Variants in XRRA1 observed in about 807,000 individuals in gnomAD.
XRRA1 encodes X-ray radiation resistance-associated protein 1.
Under a neutral mutation model 80.2 loss-of-function variants are expected in XRRA1, and 69 were observed. That is an observed-to-expected ratio of 0.86 (90% CI 0.71 to 1.05). The LOEUF is 1.05. Among genes scored for constraint, XRRA1 ranks in the 50% least tolerant of loss-of-function variants. The probability of loss-of-function intolerance (pLI) is 0.00; values close to 1 mark genes in which losing one functional copy is unlikely to be tolerated. For synonymous variants in XRRA1, 348 were observed against 389.9 expected, an observed-to-expected ratio of 0.89 and a Z score of 1.27; for missense variants, 967 against 976.4, an observed-to-expected ratio of 0.99 and a Z score of 0.13.
intron 7 of XRRA1, among the ~76,000 whole-genome samples, chr11:74,925,325 T>A (rs576727509): frequency 1.3e-5 from 2 of 152,176 alleles, no homozygotes; most frequent in South Asian, 4.1e-4. Flanking sequence ...TTTTCTAAAT[T>A]GACTCCTGAA....
chr11:74,886,668 C>A (rs1271746714), intron 10 of XRRA1, among the ~76,000 whole-genome samples: 1 of 152,088 alleles, frequency 6.6e-6, no homozygotes, highest in Non-Finnish European at 1.5e-5. Context: ...CAATGCTATT[C>A]CTATCAAACT....
chr11:74,903,108 C>G (rs1416673267), intron 10 of XRRA1, among the ~76,000 whole-genome samples: 1 of 152,108 alleles, frequency 6.6e-6, no homozygotes, highest in African/African-American at 2.4e-5. Context: ...CATAGGAAGA[C>G]AAGAACCCTT....
rs1206218346 is a variant in XRRA1, at chr11:74,880,440, G to GT, written c.1004-17420dup. Reference sequence around the variant, plus strand: ...CCTGGATTCATTAATTTTTTGAAGGGTTTTTTGTGTCTCTATTTCCTTCAG... The same window carrying GT: ...CCTGGATTCATTAATTTTTTGAAGGGTTTTTTTGTGTCTCTATTTCCTTCAG... On this transcript the variant is annotated intron_variant, in intron 10 of 18. Coordinates refer to ENST00000684022, the MANE Select transcript of XRRA1 (RefSeq NM_001378157.1). Among the ~76,000 whole-genome samples, 792 of 150,022 alleles carry GT rather than the reference G, an allele frequency of 5.3e-3. 7 individuals carry two copies. The highest frequency in any genetic ancestry group is 0.018 in the African/African-American group (747 of 40,874).
At chr11:74,930,643 G>C (rs1314248353) in intron 5 of XRRA1, among the ~76,000 whole-genome samples, 1 of 152,130 alleles carries the variant, frequency 6.6e-6, no homozygotes, top group Non-Finnish European at 1.5e-5. Flanking sequence ...TAATACAGCT[G>C]AATATTTTGC....
intron 16 of XRRA1, 64 bp downstream of exon 16, chr11:74,845,009 C>T: frequency 1.3e-6 from 2 of 1,555,104 alleles, no homozygotes; most frequent in Non-Finnish European, 1.8e-6. Flanking sequence ...TTGGCTTGAC[C>T]CTGACTTGCT....
intron 2 of XRRA1, among the ~76,000 whole-genome samples, chr11:74,942,923 T>C (rs1263413173): frequency 6.6e-6 from 1 of 152,138 alleles, no homozygotes; most frequent in Non-Finnish European, 1.5e-5. Flanking sequence ...AGGAGAGAGA[T>C]GGGCAGACCC....
At chr11:74,911,313 A>T (rs1411700176) in intron 8 of XRRA1, 1 of 152,200 alleles carries the variant, frequency 6.6e-6, no homozygotes, top group Non-Finnish European at 1.5e-5. Flanking sequence ...CTGGGCTCAA[A>T]CAATCCTCCT....
At chr11:74,844,976 G>A in intron 16 of XRRA1, 97 bp downstream of exon 16, 3 of 1,297,650 alleles carry the variant, frequency 2.3e-6, no homozygotes, top group Non-Finnish European at 3.3e-6. Context: ...CCCTAGTTGG[G>A]AAAAGACAGC....
chr11:74,929,881 T>C (rs145858164), intron 6 of XRRA1, among the ~76,000 whole-genome samples: 1,553 of 152,150 alleles, frequency 0.01, 30 homozygotes, highest in African/African-American at 0.033. Flanking sequence ...CAGGACTGTA[T>C]GCACTCATTT....
intron 6 of XRRA1, 76 bp from the exon 7 acceptor site, chr11:74,927,564 C>A: frequency 9.7e-7 from 1 of 1,028,400 alleles, no homozygotes; most frequent in Non-Finnish European, 1.5e-6. Flanking sequence ...TTACCATTTA[C>A]TGTGTCCCTA....
intron 6 of XRRA1, among the ~76,000 whole-genome samples, chr11:74,928,382 A>G (rs867164201): frequency 4.6e-5 from 7 of 152,316 alleles, no homozygotes; most frequent in South Asian, 4.2e-4. Flanking sequence ...AGTGATTCCT[A>G]TAATTGGATA....
At chr11:74,852,708 T>G (rs906002896) in intron 12 of XRRA1, among the ~76,000 whole-genome samples, 4 of 152,232 alleles carry the variant, frequency 2.6e-5, no homozygotes, top group African/African-American at 7.2e-5. Flanking sequence ...GGTGGCTTAT[T>G]GGCCAAGCCA....
At position 74,845,179 on chromosome 11, in the gene XRRA1, C is replaced by G; in HGVS notation, c.1821G>C (p.Val607=). ...TTGGGAGTTTCCTCCGAGTCCCTTTCACCTCTCTGGGTGCCGTTGGTGGTT... is the reference window on the plus strand; with the variant it reads ...TTGGGAGTTTCCTCCGAGTCCCTTTGACCTCTCTGGGTGCCGTTGGTGGTT... The part of the protein sequence containing the change: ...QKKPPTAPRE[V]KGTRRKLPTA... The change falls in exon 16 of 19, where the codon GTG becomes GTC. Residue 607 remains valine, a synonymous_variant. Coordinates refer to ENST00000684022, the MANE Select transcript of XRRA1 (RefSeq NM_001378157.1). The G allele has an allele frequency of 6.2e-7, 1 of 1,614,094 alleles. No individual in the cohort carries two copies. The highest frequency in any genetic ancestry group is 8.5e-7 in the Non-Finnish European group (1 of 1,179,912).
intron 10 of XRRA1, among the ~76,000 whole-genome samples, chr11:74,865,300 C>T (rs546963531): frequency 2.3e-4 from 35 of 152,206 alleles, no homozygotes; most frequent in African/African-American, 7.5e-4. Flanking sequence ...GCCCAGTCTG[C>T]GATTTGGCCC....
At position 74,906,337 on chromosome 11, in the gene XRRA1, G is replaced by T; in HGVS notation, c.905C>A (p.Pro302His). The change falls in exon 10 of 19, where the codon CCC becomes CAC. Residue 302 changes from proline (P) to histidine (H), a missense_variant. Physicochemically the swap from Pro to His is moderately conservative, Grantham distance 77 (BLOSUM62 -2). Transcript: ENST00000684022. ...TGGCTTGGACTGCAGCATGAATTGGGGCTCTTTATGGGGACTTCCCCTGCC... is the reference window on the plus strand; with the variant it reads ...TGGCTTGGACTGCAGCATGAATTGGTGCTCTTTATGGGGACTTCCCCTGCC... The part of the protein sequence containing the change: ...NGGRGSPHKE[P>H]QFMLQSKPRM... 6.2e-7 allele frequency: 1 copy of T among 1,613,942 alleles called. No individual in the cohort carries two copies. The highest frequency in any genetic ancestry group is 8.5e-7 in the Non-Finnish European group (1 of 1,179,878).
intron 10 of XRRA1, among the ~76,000 whole-genome samples, chr11:74,870,942 C>G (rs1332871618): frequency 6.6e-6 from 1 of 152,186 alleles, no homozygotes; most frequent in Admixed American, 6.5e-5. Context: ...TAAAATGGTA[C>G]TTAAATAGTA....
intron 5 of XRRA1, among the ~76,000 whole-genome samples, chr11:74,932,737 G>A (rs899683301): frequency 6.6e-6 from 1 of 152,152 alleles, no homozygotes; most frequent in African/African-American, 2.4e-5. Context: ...CCATGTGCTG[G>A]CCTAGAATGG....
chr11:74,874,927 T>C (rs1032674186), intron 10 of XRRA1, among the ~76,000 whole-genome samples: 3 of 152,190 alleles, frequency 2.0e-5, no homozygotes. Flanking sequence ...CTGAATGACA[T>C]TGAAAGTGCA....
intron 10 of XRRA1, chr11:74,876,905 T>A (rs1052715373): frequency 2.0e-5 from 3 of 152,244 alleles, no homozygotes; most frequent in African/African-American, 7.2e-5. Flanking sequence ...TTTTGATGCA[T>A]ACTTGTGGGA....
Sources: gnomAD v4.1 joint callset for allele counts (sites outside exome capture counted in the v4.1 genomes callset) on GRCh38, gnomAD v4.1.1 for gene constraint, MANE v1.5 for transcripts, NCBI Gene and HGNC (gene_info 2026-07-23, HGNC 2026-07-21) for gene names.